Variants in QTMAN observed in about 807,000 individuals in gnomAD.
QTMAN encodes the protein tRNA-queuosine alpha-mannosyltransferase.
chr2:144,042,131 G>C, the QTMAN span, among the ~76,000 whole-genome samples: 35 of 152,090 alleles, frequency 2.3e-4, no homozygotes, highest in African/African-American at 8.0e-4. Flanking sequence ...TTTTGTTTTA[G>C]GGGAACTTTT....
At chr2:144,177,217 T>C in the QTMAN span, 8 of 700,488 alleles carry the variant, frequency 1.1e-5, no homozygotes, top group East Asian at 8.1e-5. Context: ...AGAGTCAACA[T>C]GTGAAGACAT....
the QTMAN span, among the ~76,000 whole-genome samples, chr2:144,237,671 A>G: frequency 6.6e-6 from 1 of 152,130 alleles, no homozygotes; most frequent in African/African-American, 2.4e-5. Flanking sequence ...AAAGGGGAGA[A>G]GAGGGTACAG....
At chr2:144,243,929 T>G in the QTMAN span, among the ~76,000 whole-genome samples, 224 of 152,336 alleles carry the variant, frequency 1.5e-3, no homozygotes, top group Middle Eastern at 3.4e-3. Flanking sequence ...CTTGGATCTA[T>G]AAGCATTAAA....
At chr2:144,168,598 T>C in the QTMAN span, among the ~76,000 whole-genome samples, 1 of 152,132 alleles carries the variant, frequency 6.6e-6, no homozygotes, top group African/African-American at 2.4e-5. Context: ...ACTACGATAC[T>C]TGTATATGTT....
chr2:144,133,410 AT>A, the QTMAN span, among the ~76,000 whole-genome samples: 4 of 59,418 alleles, frequency 6.7e-5, no homozygotes, highest in East Asian at 6.3e-4. Context: ...AATATAATAT[AT>A]TATATATAAT....
chr2:144,026,541 T>C, the QTMAN span, among the ~76,000 whole-genome samples: 1 of 152,138 alleles, frequency 6.6e-6, no homozygotes, highest in African/African-American at 2.4e-5. Context: ...CTGTAAGAAA[T>C]ATTTGTAACA....
At chr2:144,196,313 A>C in the QTMAN span, among the ~76,000 whole-genome samples, 1 of 152,106 alleles carries the variant, frequency 6.6e-6, no homozygotes, top group South Asian at 2.1e-4. Context: ...CATTGTATTT[A>C]AATTTACGAT....
the QTMAN span, among the ~76,000 whole-genome samples, chr2:144,053,615 C>T: frequency 6.6e-6 from 1 of 152,114 alleles, no homozygotes; most frequent in South Asian, 2.1e-4. Context: ...ATATTGTTTC[C>T]ATGCTTATTC....
the QTMAN span, among the ~76,000 whole-genome samples, chr2:144,027,391 C>T: frequency 5.9e-5 from 9 of 152,156 alleles, no homozygotes; most frequent in African/African-American, 1.2e-4. Flanking sequence ...CTTTACTGGC[C>T]TCACCATTCA....
At chr2:144,091,389 T>C in the QTMAN span, among the ~76,000 whole-genome samples, 127 of 152,324 alleles carry the variant, frequency 8.3e-4, no homozygotes, top group Non-Finnish European at 1.6e-3. Flanking sequence ...AATAATGTGA[T>C]GTATAAAATA....
At chr2:143,991,309 G>A in the QTMAN span, among the ~76,000 whole-genome samples, 1 of 151,918 alleles carries the variant, frequency 6.6e-6, no homozygotes, top group Non-Finnish European at 1.5e-5. Flanking sequence ...TCACAGTGAA[G>A]GTGAAGAACA....
At chr2:144,267,082 T>C in the QTMAN span, among the ~76,000 whole-genome samples, 1 of 152,086 alleles carries the variant, frequency 6.6e-6, no homozygotes, top group Non-Finnish European at 1.5e-5. Flanking sequence ...AAAAATAATC[T>C]GAAGGAGATG....
At chr2:144,104,302 G>C in the QTMAN span, among the ~76,000 whole-genome samples, 1 of 152,176 alleles carries the variant, frequency 6.6e-6, no homozygotes, top group Non-Finnish European at 1.5e-5. Context: ...GCCGAAGCAG[G>C]GCGAGGCATC....
chr2:143,993,974 T>C, the QTMAN span, among the ~76,000 whole-genome samples: 1 of 152,206 alleles, frequency 6.6e-6, no homozygotes, highest in African/African-American at 2.4e-5. Context: ...GGAGGCCATA[T>C]ACCCATCTCT....
the QTMAN span, among the ~76,000 whole-genome samples, chr2:144,166,319 G>T: frequency 6.6e-6 from 1 of 152,170 alleles, no homozygotes; most frequent in Non-Finnish European, 1.5e-5. Flanking sequence ...ACCCCTGCAA[G>T]AAGGCTTTCC....
the QTMAN span, among the ~76,000 whole-genome samples, chr2:144,062,814 A>G: frequency 6.6e-6 from 1 of 152,210 alleles, no homozygotes; most frequent in Non-Finnish European, 1.5e-5. Flanking sequence ...GTTAGAAGAA[A>G]GCTGAGTAAC....
chr2:143,962,712 C>A, the QTMAN span, among the ~76,000 whole-genome samples: 2 of 152,076 alleles, frequency 1.3e-5, no homozygotes, highest in African/African-American at 4.8e-5. Flanking sequence ...AGAATAGGAT[C>A]TTAGTTACCT....
At chr2:143,976,621 C>T in the QTMAN span, among the ~76,000 whole-genome samples, 1 of 152,230 alleles carries the variant, frequency 6.6e-6, no homozygotes, top group Non-Finnish European at 1.5e-5. Context: ...CCCTCCACGC[C>T]TGCAGCTTCT....
At chr2:143,991,910 G>A in the QTMAN span, among the ~76,000 whole-genome samples, 1 of 135,404 alleles carries the variant, frequency 7.4e-6, no homozygotes, top group South Asian at 2.4e-4. Flanking sequence ...GGAGGGAGGT[G>A]GGGGGGTCAG....
Sources: allele counts gnomAD v4.1 joint callset (sites outside exome capture counted in the v4.1 genomes callset), GRCh38; gene constraint gnomAD v4.1.1; transcripts MANE v1.5; gene names NCBI Gene and HGNC (gene_info 2026-07-23, HGNC 2026-07-21).